The following ADGRB3 variants were observed in gnomAD, a reference collection of about 807,000 sequenced individuals.
ADGRB3 encodes the protein adhesion G protein-coupled receptor B3, also known as brain-specific angiogenesis inhibitor 3.
A neutral mutation model predicts 193.4 loss-of-function variants in ADGRB3; 37 were observed. The observed-to-expected ratio is 0.19, with a 90% CI of 0.15 to 0.25. ADGRB3 has a LOEUF of 0.25. Among genes scored for constraint, ADGRB3 ranks in the 10% least tolerant of loss-of-function variants. ADGRB3 has a pLI of 1.00. For synonymous variants in ADGRB3, 690 were observed against 644.2 expected, an observed-to-expected ratio of 1.07 and a Z score of -1.08; for missense variants, 1,637 against 1,852.9, an observed-to-expected ratio of 0.88 and a Z score of 2.14.
chr6:69,047,173 T>G (rs1362055147), intron 13 of ADGRB3, among the ~76,000 whole-genome samples: 1 of 152,210 alleles, frequency 6.6e-6, no homozygotes, highest in African/African-American at 2.4e-5. Flanking sequence ...AATTTTTACT[T>G]TAGCTTTTCA....
chr6:68,791,719 A>G (rs1767110962), intron 3 of ADGRB3, among the ~76,000 whole-genome samples: 1 of 152,248 alleles, frequency 6.6e-6, no homozygotes, highest in East Asian at 1.9e-4. Flanking sequence ...AAATTAAAAT[A>G]TAATCCACAA....
chr6:69,249,738 A>G (rs1170753742), intron 20 of ADGRB3, among the ~76,000 whole-genome samples: 1 of 152,176 alleles, frequency 6.6e-6, no homozygotes, highest in Non-Finnish European at 1.5e-5. Flanking sequence ...TCTTGGAACT[A>G]AAGTCCAAAC....
chr6:68,958,601 G>A (rs1768142507), intron 8 of ADGRB3, among the ~76,000 whole-genome samples: 1 of 152,002 alleles, frequency 6.6e-6, no homozygotes, highest in Non-Finnish European at 1.5e-5. Context: ...TTATGAAAAA[G>A]ATAGTGTACC....
chr6:69,044,801 T>C (rs1451493056), intron 13 of ADGRB3, among the ~76,000 whole-genome samples: 7 of 152,216 alleles, frequency 4.6e-5, no homozygotes, highest in Admixed American at 2.6e-4. Context: ...CTTGTAGCAC[T>C]CAAGATGTGC....
intron 26 of ADGRB3, among the ~76,000 whole-genome samples, chr6:69,345,462 A>C (rs1461948064): frequency 6.6e-6 from 1 of 152,186 alleles, no homozygotes; most frequent in Non-Finnish European, 1.5e-5. Context: ...CAAATCAATA[A>C]ATGTAATCCA....
intron 3 of ADGRB3, among the ~76,000 whole-genome samples, chr6:68,897,568 A>C (rs1331164762): frequency 1.3e-5 from 1 of 77,816 alleles, no homozygotes. Context: ...AAGAAAGAGA[A>C]ACAAGAAAGA....
At chr6:69,174,696 A>T (rs117689981) in intron 17 of ADGRB3, among the ~76,000 whole-genome samples, 1 of 152,344 alleles carries the variant, frequency 6.6e-6, no homozygotes, top group East Asian at 1.9e-4. Flanking sequence ...CAGTAGCTGA[A>T]CTAATTTACC....
At chr6:69,068,594 G>T (rs1005007030) in intron 16 of ADGRB3, among the ~76,000 whole-genome samples, 1 of 152,142 alleles carries the variant, frequency 6.6e-6, no homozygotes, top group African/African-American at 2.4e-5. Context: ...GCATATACAT[G>T]TAAAAACGTC....
intron 17 of ADGRB3, among the ~76,000 whole-genome samples, chr6:69,096,363 G>GTTTTT (rs70987448): frequency 1.5e-5 from 2 of 132,618 alleles, no homozygotes; most frequent in African/African-American, 2.8e-5. Context: ...ATTGTTTTGG[G>GTTTTT]TTTTTTTTTT....
chr6:69,202,865 C>T (rs934496207), intron 17 of ADGRB3, among the ~76,000 whole-genome samples: 3 of 152,064 alleles, frequency 2.0e-5, no homozygotes, highest in Non-Finnish European at 4.4e-5. Context: ...GAGGAGTTGC[C>T]AGAAGAAAGG....
chr6:68,764,372 A>C (rs1261890201), intron 3 of ADGRB3, among the ~76,000 whole-genome samples: 1 of 152,210 alleles, frequency 6.6e-6, no homozygotes, highest in Non-Finnish European at 1.5e-5. Flanking sequence ...AAGAATAAAG[A>C]AGTATGTATG....
At chr6:69,132,149 G>A (rs1021929431) in intron 17 of ADGRB3, among the ~76,000 whole-genome samples, 6 of 152,068 alleles carry the variant, frequency 3.9e-5, no homozygotes, top group African/African-American at 1.4e-4. Context: ...CCCAGCAATG[G>A]GATTGCTGGG....
At chr6:68,735,349 T>C (rs1765850884) in intron 3 of ADGRB3, among the ~76,000 whole-genome samples, 1 of 151,958 alleles carries the variant, frequency 6.6e-6, no homozygotes, top group African/African-American at 2.4e-5. Context: ...TTTTTAATTT[T>C]CTACAATAGA....
chr6:69,136,839 C>A (rs1454076196), intron 17 of ADGRB3, among the ~76,000 whole-genome samples: 1 of 151,892 alleles, frequency 6.6e-6, no homozygotes, highest in South Asian at 2.1e-4. Flanking sequence ...CTTTGAATAG[C>A]GCCCCACTTT....
intron 3 of ADGRB3, among the ~76,000 whole-genome samples, chr6:68,695,348 T>C (rs943732623): frequency 6.6e-6 from 1 of 152,030 alleles, no homozygotes; most frequent in African/African-American, 2.4e-5. Context: ...ATAACTCAAA[T>C]TGCCTTAAAA....
In ADGRB3 at chr6:69,066,075, T is replaced by C. The variant is rs573791109; in HGVS notation, c.2436+3039T>C. ...TTGAGCATCCATGGATTTTGGTATC[T>C]GCAAGGGGTTCTGGAACCAACCCCC... On this transcript the variant is annotated intron_variant, in intron 16 of 31. Transcript: ENST00000370598. Among the ~76,000 whole-genome samples, 266 of 151,934 alleles carry C rather than the reference T, an allele frequency of 1.8e-3. No homozygotes were observed. The Middle Eastern group carries it at 0.024, about 14-fold the overall frequency.
intron 17 of ADGRB3, among the ~76,000 whole-genome samples, chr6:69,162,440 A>C (rs1775022377): frequency 6.6e-6 from 1 of 152,138 alleles, no homozygotes; most frequent in South Asian, 2.1e-4. Flanking sequence ...TTAAGCATGC[A>C]TTTAGACAGA....
intron 3 of ADGRB3, among the ~76,000 whole-genome samples, chr6:68,865,524 G>A (rs1765272590): frequency 1.3e-5 from 2 of 152,100 alleles, no homozygotes; most frequent in South Asian, 4.2e-4. Context: ...GTTACCTAGT[G>A]TGAAAGTTCA....
At chr6:68,749,722 C>G (rs1766158885) in intron 3 of ADGRB3, among the ~76,000 whole-genome samples, 1 of 151,894 alleles carries the variant, frequency 6.6e-6, no homozygotes, top group Admixed American at 6.6e-5. Context: ...GCAGGATACA[C>G]TTAAAAAAAG....
Sources: gnomAD v4.1 joint callset for allele counts (sites outside exome capture counted in the v4.1 genomes callset) on GRCh38, gnomAD v4.1.1 for gene constraint, MANE v1.5 for transcripts, NCBI Gene and HGNC (gene_info 2026-07-23, HGNC 2026-07-21) for gene names.